Variants in CYP39A1 observed in about 807,000 individuals in gnomAD.
CYP39A1 encodes the protein 24-hydroxycholesterol 7-alpha-hydroxylase.
A neutral mutation model predicts 58.1 loss-of-function variants in CYP39A1; 49 were observed. That is an observed-to-expected ratio of 0.84 (90% CI 0.67 to 1.07). The LOEUF (loss-of-function observed/expected upper bound fraction) is 1.07. Among genes scored for constraint, CYP39A1 ranks in the 50% least tolerant of loss-of-function variants. The pLI, the probability that CYP39A1 is intolerant of heterozygous loss-of-function variation, is 0.00. For synonymous variants in CYP39A1, 209 were observed against 187.6 expected (o/e 1.11, Z -0.93); for missense variants, 531 against 539.4 (o/e 0.98, Z 0.16).
intron 10 of CYP39A1, chr6:46,586,591 T>G: frequency 1.0e-6 from 1 of 984,566 alleles, no homozygotes; most frequent in Non-Finnish European, 1.2e-6. Flanking sequence ...GGTGCCAGAT[T>G]AATTTAACTA....
At chr6:46,551,928 G>T (rs1436577161) in intron 11 of CYP39A1, among the ~76,000 whole-genome samples, 2 of 152,232 alleles carry the variant, frequency 1.3e-5, no homozygotes, top group African/African-American at 4.8e-5. Context: ...AATGCTCTTT[G>T]AGATCATGGG....
chr6:46,620,592 T>G (rs1326862561), intron 7 of CYP39A1, among the ~76,000 whole-genome samples: 2 of 152,148 alleles, frequency 1.3e-5, no homozygotes, highest in Non-Finnish European at 2.9e-5. Context: ...GGCATCCATT[T>G]GCCCAGGGCT....
chr6:46,630,240 A>G (rs1327654690), intron 6 of CYP39A1, among the ~76,000 whole-genome samples: 2 of 152,164 alleles, frequency 1.3e-5, no homozygotes, highest in Non-Finnish European at 2.9e-5. Flanking sequence ...CCATAATGCT[A>G]AGCAATGCAA....
At chr6:46,617,375 T>C (rs1774674351) in intron 7 of CYP39A1, among the ~76,000 whole-genome samples, 1 of 152,128 alleles carries the variant, frequency 6.6e-6, no homozygotes, top group African/African-American at 2.4e-5. Context: ...TATTCCAAAG[T>C]CTACCTTGGT....
Position 46,652,727 on chromosome 6 carries a change from C to T in CYP39A1, c.-145G>A, listed in dbSNP as rs1762782953. ...AGCTCTCCTTCGTAACTGTAGCTTC[C>T]TTCCTCTGTCCCAGTTTTCAGGTGA... is the stretch of plus-strand genomic sequence containing the variant. On this transcript the variant is annotated 5_prime_UTR_variant, in exon 1 of 12. Transcript: ENST00000275016. The T allele has an allele frequency of 2.9e-6, 2 of 679,626 alleles. No homozygotes were observed. The highest frequency in any genetic ancestry group is 5.6e-5 in the East Asian group (2 of 35,580). 42.1% of individuals were successfully genotyped at this position (679,626 alleles called of 1,614,324 possible).
chr6:46,624,708 T>C (rs997221155), intron 7 of CYP39A1, among the ~76,000 whole-genome samples: 2 of 152,164 alleles, frequency 1.3e-5, no homozygotes, highest in African/African-American at 4.8e-5. Context: ...TATATCAGGA[T>C]ACATAATACG....
intron 10 of CYP39A1, among the ~76,000 whole-genome samples, chr6:46,566,282 A>C (rs1771269928): frequency 6.6e-6 from 1 of 152,170 alleles, no homozygotes; most frequent in Non-Finnish European, 1.5e-5. Flanking sequence ...GTATTGGTCC[A>C]TTTTTATACT....
chr6:46,611,405 T>C (rs750267961), intron 7 of CYP39A1, among the ~76,000 whole-genome samples: 7 of 152,180 alleles, frequency 4.6e-5, no homozygotes, highest in Non-Finnish European at 8.8e-5. Flanking sequence ...GAACAGGTTA[T>C]TACATCCAAT....
At position 46,553,823 on chromosome 6, in the gene CYP39A1, T is replaced by C; in HGVS notation, c.1282A>G (p.Ile428Val). ...TCATATTTATAAAGTATTAAAATAA[T>C]ACACATCTGAACCTCTAACAGAGCA... is the stretch of plus-strand genomic sequence containing the variant. ...WFALLEVQMC[I>V]ILILYKYDCS... The change falls in exon 11 of 12, where the codon ATT (isoleucine) becomes GTT (valine). Residue 428 changes from isoleucine to valine, a missense_variant. By Grantham distance (29) the Ile-to-Val change is conservative (BLOSUM62 3). Coordinates refer to ENST00000275016, the MANE Select transcript of CYP39A1 (RefSeq NM_016593.5). 2 of 1,610,334 alleles carry C rather than the reference T, an allele frequency of 1.2e-6. No individual in the cohort carries two copies. Among genetic ancestry groups the C allele is most frequent in the Non-Finnish European group, 1.7e-6 (2 of 1,177,832 alleles).
chr6:46,611,534 C>T (rs970272160), intron 7 of CYP39A1, among the ~76,000 whole-genome samples: 1 of 152,170 alleles, frequency 6.6e-6, no homozygotes, highest in African/African-American at 2.4e-5. Context: ...TGCCACTATA[C>T]CAAGTCAACC....
At chr6:46,639,861 TC>T (rs1776224038) in intron 2 of CYP39A1, among the ~76,000 whole-genome samples, 193 bp from the exon 3 acceptor site, 1 of 152,180 alleles carries the variant, frequency 6.6e-6, no homozygotes. Flanking sequence ...ACAACTGTAA[TC>T]CCAGAACTTT....
At chr6:46,639,727 A>G in intron 2 of CYP39A1, 59 bp from the exon 3 acceptor site, 1 of 1,407,260 alleles carries the variant, frequency 7.1e-7, no homozygotes, top group Non-Finnish European at 9.8e-7. Context: ...CACACAGTCA[A>G]TATATATCTA....
chr6:46,588,908 A>AACCC (rs1383823921), intron 8 of CYP39A1, among the ~76,000 whole-genome samples: 1 of 152,108 alleles, frequency 6.6e-6, no homozygotes, highest in Non-Finnish European at 1.5e-5. Flanking sequence ...AAAGAACTAA[A>AACCC]ACCCATTTCA....
At chr6:46,608,978 A>T (rs1243237024) in intron 7 of CYP39A1, among the ~76,000 whole-genome samples, 2 of 152,090 alleles carry the variant, frequency 1.3e-5, no homozygotes, top group African/African-American at 2.4e-5. Flanking sequence ...ATTTGTGGGA[A>T]TTTTTTTGTG....
chr6:46,561,082 T>C (rs1770946206), intron 10 of CYP39A1, among the ~76,000 whole-genome samples: 1 of 152,180 alleles, frequency 6.6e-6, no homozygotes, highest in Non-Finnish European at 1.5e-5. Context: ...GCTCACTTTT[T>C]CAAATAACTA....
chr6:46,610,724 A>C (rs752804962), intron 7 of CYP39A1, among the ~76,000 whole-genome samples: 10 of 152,154 alleles, frequency 6.6e-5, no homozygotes, highest in South Asian at 2.1e-4. Context: ...ACACTCCCCC[A>C]AAAATGGAAT....
Position 46,632,465 on chromosome 6 carries a change from G to GT in CYP39A1, c.733-1396dup, listed in dbSNP as rs370255302. Among the ~76,000 whole-genome samples the GT allele has an allele frequency of 3.2e-3, 465 of 145,244 alleles. 4 individuals are homozygous for GT. Among genetic ancestry groups the GT allele is most frequent in the Middle Eastern group, 0.014 (4 of 278 alleles). The stretch of plus-strand genomic sequence containing the variant: ...GACCTTCCCTGGCTCTATTTGTCAG[G>GT]TTTTTTTTTTTTCTTAGGTTCAGGG... On this transcript the variant is annotated intron_variant, in intron 5 of 11. Transcript: ENST00000275016.
At chr6:46,575,946 T>A (rs145929789) in intron 10 of CYP39A1, among the ~76,000 whole-genome samples, 161 of 152,286 alleles carry the variant, frequency 1.1e-3, no homozygotes, top group African/African-American at 3.5e-3. Context: ...CCTGAGACTG[T>A]AATTTATGAA....
chr6:46,595,387 T>C (rs1296032850), intron 8 of CYP39A1, among the ~76,000 whole-genome samples: 1 of 151,996 alleles, frequency 6.6e-6, no homozygotes, highest in Non-Finnish European at 1.5e-5. Context: ...ATATACATAA[T>C]GGAATACTAT....
Sources: gnomAD v4.1 joint callset for allele counts (sites outside exome capture counted in the v4.1 genomes callset) on GRCh38, gnomAD v4.1.1 for gene constraint, MANE v1.5 for transcripts, NCBI Gene and HGNC (gene_info 2026-07-23, HGNC 2026-07-21) for gene names.